Variants in LRMDA observed in about 807,000 individuals in gnomAD.
LRMDA encodes the protein leucine-rich melanocyte differentiation-associated protein.
A neutral mutation model predicts 29.8 loss-of-function variants in LRMDA; 18 were observed. The observed-to-expected ratio is 0.60, with a 90% CI of 0.42 to 0.90. LRMDA has a LOEUF of 0.90. LRMDA is among the 40% of genes least tolerant of loss of function. The probability of loss-of-function intolerance (pLI) is 0.00; values close to 1 mark genes in which losing one functional copy is unlikely to be tolerated. For missense variants in LRMDA, 273 were observed against 273.9 expected, an observed-to-expected ratio of 1.00 and a Z score of 0.02; for synonymous variants, 125 against 109.4, an observed-to-expected ratio of 1.14 and a Z score of -0.89.
intron 2 of LRMDA, among the ~76,000 whole-genome samples, chr10:75,748,600 G>A (rs958744523): frequency 2.0e-5 from 3 of 152,122 alleles, no homozygotes; most frequent in Non-Finnish European, 4.4e-5. Flanking sequence ...GGCATGAGAT[G>A]CTGACCATCA....
At chr10:76,511,007 A>G (rs551926008) in intron 6 of LRMDA, among the ~76,000 whole-genome samples, 2 of 152,346 alleles carry the variant, frequency 1.3e-5, no homozygotes, top group African/African-American at 4.8e-5. Flanking sequence ...AGGGATGGGA[A>G]GTCTGTAACC....
chr10:75,537,855 G>A (rs1839968943), intron 2 of LRMDA, among the ~76,000 whole-genome samples: 1 of 152,176 alleles, frequency 6.6e-6, no homozygotes, highest in South Asian at 2.1e-4. Flanking sequence ...CTTTGTGCTT[G>A]TCCTGTGTGT....
chr10:75,845,464 G>A (rs1456828240), intron 2 of LRMDA, among the ~76,000 whole-genome samples: 2 of 152,160 alleles, frequency 1.3e-5, no homozygotes, highest in Non-Finnish European at 2.9e-5. Context: ...AACACATCCT[G>A]TGTTTCCCTG....
chr10:76,084,042 T>C (rs565935752), intron 5 of LRMDA, among the ~76,000 whole-genome samples: 146 of 152,226 alleles, frequency 9.6e-4, no homozygotes, highest in African/African-American at 3.4e-3. Flanking sequence ...GCAACATTCA[T>C]GAACGGAGGA....
Position 75,791,308 on chromosome 10 carries a change from G to A in LRMDA, c.132-244700G>A, listed in dbSNP as rs191127538. 5.4e-3 allele frequency among the ~76,000 whole-genome samples: 824 copies of A among 152,210 alleles called. 3 individuals are homozygous for A. The highest frequency in any genetic ancestry group is 8.0e-3 in the Non-Finnish European group (547 of 68,000). ...CCACCCCCTTGTTATACCATCAAGA[G>A]AATAGAAACCAATAAAAGAACTAAA... is the stretch of plus-strand genomic sequence containing the variant. On this transcript the variant is annotated intron_variant, in intron 2 of 6. Transcript: ENST00000611255.
At chr10:75,836,001 A>G (rs1302415901) in intron 2 of LRMDA, among the ~76,000 whole-genome samples, 4 of 152,326 alleles carry the variant, frequency 2.6e-5, no homozygotes, top group South Asian at 2.1e-4. Flanking sequence ...ATTATCAAGC[A>G]CAGTTTCTCT....
intron 6 of LRMDA, among the ~76,000 whole-genome samples, chr10:76,431,283 G>C (rs530488600): frequency 6.6e-6 from 1 of 152,300 alleles, no homozygotes; most frequent in African/African-American, 2.4e-5. Context: ...GAGCATGGAT[G>C]CGAACGGGCC....
intron 5 of LRMDA, among the ~76,000 whole-genome samples, chr10:76,148,432 G>C (rs1259995060): frequency 1.3e-5 from 2 of 152,150 alleles, no homozygotes; most frequent in East Asian, 3.9e-4. Flanking sequence ...CTTGCAGTTT[G>C]ATCTCAGACT....
At chr10:75,508,091 T>C (rs1845188402) in intron 2 of LRMDA, among the ~76,000 whole-genome samples, 1 of 152,252 alleles carries the variant, frequency 6.6e-6, no homozygotes, top group African/African-American at 2.4e-5. Context: ...CTGCTGCCTG[T>C]TCAGTTCTTC....
chr10:76,484,160 CCTT>C (rs1466380435), intron 6 of LRMDA, among the ~76,000 whole-genome samples: 3 of 151,498 alleles, frequency 2.0e-5, no homozygotes, highest in African/African-American at 7.3e-5. Context: ...GTCCCATCCT[CCTT>C]CTTCTTCCTC....
chr10:76,479,215 T>G (rs1240137409), intron 6 of LRMDA, among the ~76,000 whole-genome samples: 2 of 151,930 alleles, frequency 1.3e-5, no homozygotes, highest in Non-Finnish European at 2.9e-5. Context: ...AAAATTTTCT[T>G]ATTTGTGGAC....
chr10:76,481,256 C>G (rs141071845), intron 6 of LRMDA, among the ~76,000 whole-genome samples: 7 of 151,930 alleles, frequency 4.6e-5, no homozygotes, highest in African/African-American at 1.7e-4. Flanking sequence ...CATCTCAGAC[C>G]CAGTGTTTGA....
At chr10:76,099,323 G>A (rs1471655049) in intron 5 of LRMDA, among the ~76,000 whole-genome samples, 1 of 152,196 alleles carries the variant, frequency 6.6e-6, no homozygotes, top group African/African-American at 2.4e-5. Context: ...GCAAGAAGGA[G>A]TTGATTAGGT....
At chr10:76,511,652 A>G (rs1033700396) in intron 6 of LRMDA, among the ~76,000 whole-genome samples, 3 of 151,248 alleles carry the variant, frequency 2.0e-5, no homozygotes, top group Non-Finnish European at 4.4e-5. Context: ...AATATATTAA[A>G]TATATAGGAA....
intron 2 of LRMDA, among the ~76,000 whole-genome samples, chr10:75,899,849 G>A (rs992127401): frequency 9.2e-5 from 14 of 152,228 alleles, no homozygotes; most frequent in African/African-American, 2.4e-4. Context: ...TTGCAGGAAT[G>A]TTCTTGGGGG....
intron 5 of LRMDA, among the ~76,000 whole-genome samples, chr10:76,296,583 G>A (rs1480309111): frequency 6.6e-6 from 1 of 152,186 alleles, no homozygotes; most frequent in East Asian, 1.9e-4. Context: ...AGTAGGCTGA[G>A]TTCAAATTGT....
chr10:75,857,020 C>A (rs1241833549), intron 2 of LRMDA, among the ~76,000 whole-genome samples: 2 of 152,170 alleles, frequency 1.3e-5, no homozygotes, highest in African/African-American at 4.8e-5. Context: ...AAATCACAAG[C>A]ATTCTTATAC....
intron 6 of LRMDA, among the ~76,000 whole-genome samples, chr10:76,337,696 T>C (rs1363991305): frequency 6.6e-6 from 1 of 151,948 alleles, no homozygotes; most frequent in Non-Finnish European, 1.5e-5. Flanking sequence ...TTTAAAGAAT[T>C]TATTTGAGCA....
chr10:75,869,867 T>G (rs142590150), intron 2 of LRMDA, among the ~76,000 whole-genome samples: 16 of 152,288 alleles, frequency 1.1e-4, no homozygotes, highest in Non-Finnish European at 2.1e-4. Flanking sequence ...TTTTCATGTG[T>G]CTTCAACTCT....
Sources: allele counts gnomAD v4.1 joint callset (sites outside exome capture counted in the v4.1 genomes callset), GRCh38; gene constraint gnomAD v4.1.1; transcripts MANE v1.5; gene names NCBI Gene and HGNC (gene_info 2026-07-23, HGNC 2026-07-21).